CTIF: variants seen among roughly 807,000 people sequenced by gnomAD.
CTIF encodes cap binding complex dependent translation initiation factor.
Under a neutral mutation model 66.0 loss-of-function variants are expected in CTIF, and 21 were observed. The ratio of observed to expected loss-of-function variants is 0.32; its 90% CI spans 0.23 to 0.46. CTIF has a LOEUF of 0.46. Ranked by LOEUF, CTIF falls within the 20% of genes least tolerant of loss-of-function variation. The pLI is 1.00. For missense variants in CTIF, 739 were observed against 812.7 expected (o/e 0.91, Z 1.10); for synonymous variants, 345 against 326.4 (o/e 1.06, Z -0.62).
At chr18:48,680,690 G>A (rs2145138654) in intron 6 of CTIF, among the ~76,000 whole-genome samples, 1 of 152,378 alleles carries the variant, frequency 6.6e-6, no homozygotes, top group African/African-American at 2.4e-5. Context: ...ATTTGGCGAT[G>A]CCCTTGATGA....
At chr18:48,685,108 A>G (rs2091816515) in intron 6 of CTIF, among the ~76,000 whole-genome samples, 1 of 149,824 alleles carries the variant, frequency 6.7e-6, no homozygotes, top group Middle Eastern at 3.5e-3. Context: ...TATCTCCTCA[A>G]TCTTTCTTTG....
chr18:48,822,987 T>A (rs896028902), intron 10 of CTIF, among the ~76,000 whole-genome samples: 2 of 152,262 alleles, frequency 1.3e-5, no homozygotes, highest in African/African-American at 4.8e-5. Flanking sequence ...ATTCCAATTC[T>A]TAGACTAGTT....
At chr18:48,634,049 C>T (rs954828506) in intron 2 of CTIF, among the ~76,000 whole-genome samples, 2 of 152,188 alleles carry the variant, frequency 1.3e-5, no homozygotes, top group African/African-American at 4.8e-5. Context: ...ATTGCCACAT[C>T]TCCTCTTTCC....
intron 3 of CTIF, 33 bp downstream of exon 3, chr18:48,636,718 T>A: frequency 6.7e-7 from 1 of 1,498,146 alleles, no homozygotes; most frequent in Non-Finnish European, 8.9e-7. Context: ...TGTCTGGGGG[T>A]GTCCTATGTC....
chr18:48,800,155 G>A (rs1184163691), intron 9 of CTIF, among the ~76,000 whole-genome samples: 1 of 152,200 alleles, frequency 6.6e-6, no homozygotes, highest in Non-Finnish European at 1.5e-5. Flanking sequence ...TATGCATGGT[G>A]ACAGGATGGA....
chr18:48,853,012 G>T (rs1276417186), intron 10 of CTIF, among the ~76,000 whole-genome samples: 1 of 152,154 alleles, frequency 6.6e-6, no homozygotes, highest in African/African-American at 2.4e-5. Context: ...CTTTTCAAAG[G>T]TACGTGCATC....
At chr18:48,739,995 CT>C (rs2092540184) in intron 7 of CTIF, among the ~76,000 whole-genome samples, 1 of 152,250 alleles carries the variant, frequency 6.6e-6, no homozygotes, top group African/African-American at 2.4e-5. Flanking sequence ...GTTTGAAGGA[CT>C]CTACAAATAT....
intron 1 of CTIF, among the ~76,000 whole-genome samples, chr18:48,568,898 C>T (rs998686235): frequency 1.3e-5 from 2 of 152,148 alleles, no homozygotes; most frequent in Admixed American, 6.5e-5. Context: ...GAGGGTCCCT[C>T]CCATGACAAG....
intron 1 of CTIF, among the ~76,000 whole-genome samples, chr18:48,613,134 G>A (rs577342263): frequency 1.3e-5 from 2 of 152,118 alleles, no homozygotes; most frequent in African/African-American, 4.8e-5. Flanking sequence ...CTAATGCCTC[G>A]CAGTTCTTAA....
At chr18:48,653,571 A>G (rs546699678) in intron 3 of CTIF, among the ~76,000 whole-genome samples, 3 of 152,362 alleles carry the variant, frequency 2.0e-5, no homozygotes, top group African/African-American at 7.2e-5. Flanking sequence ...TATAGATTCA[A>G]TGCCATCCCC....
intron 1 of CTIF, among the ~76,000 whole-genome samples, chr18:48,593,990 A>T (rs2089942354): frequency 6.6e-6 from 1 of 152,150 alleles, no homozygotes; most frequent in Admixed American, 6.5e-5. Flanking sequence ...TTTCCTATCA[A>T]CCAGATGACA....
At chr18:48,575,638 G>A (rs2089513672) in intron 1 of CTIF, among the ~76,000 whole-genome samples, 1 of 152,184 alleles carries the variant, frequency 6.6e-6, no homozygotes, top group African/African-American at 2.4e-5. Flanking sequence ...CTGAGGGGAT[G>A]GAAGGTCCGT....
Position 48,856,208 on chromosome 18 carries a change from C to T in CTIF, c.1528-1380C>T, listed in dbSNP as rs547692216. ...TTTCAGGCACTCGGTGTCAGCACAC[C>T]AGTGCTGCTGGGGCTTCAAGAGAGA... On this transcript the variant is annotated intron_variant, in intron 10 of 11. Transcript: ENST00000256413. Among the ~76,000 whole-genome samples the T allele has an allele frequency of 2.6e-5, 4 of 152,292 alleles. No individual in the cohort carries two copies. The East Asian group carries it at 7.7e-4, about 29-fold the overall frequency.
intron 5 of CTIF, among the ~76,000 whole-genome samples, chr18:48,669,856 T>C (rs1311758067): frequency 7.4e-6 from 1 of 135,588 alleles, no homozygotes; most frequent in Non-Finnish European, 1.6e-5. Context: ...AGACTATATA[T>C]GTGTGTATAT....
At chr18:48,816,887 G>C (rs746460857) in intron 9 of CTIF, among the ~76,000 whole-genome samples, 1 of 152,220 alleles carries the variant, frequency 6.6e-6, no homozygotes, top group Non-Finnish European at 1.5e-5. Context: ...AAAGTGCTGA[G>C]TCTGGGGAGG....
intron 1 of CTIF, among the ~76,000 whole-genome samples, chr18:48,557,088 G>A (rs974425126): frequency 6.6e-6 from 1 of 152,124 alleles, no homozygotes; most frequent in Non-Finnish European, 1.5e-5. Context: ...AGTCCAGCAG[G>A]GACTGAAGGA....
intron 9 of CTIF, among the ~76,000 whole-genome samples, chr18:48,770,790 G>T (rs372575552): frequency 4.6e-5 from 7 of 152,202 alleles, no homozygotes; most frequent in African/African-American, 1.4e-4. Flanking sequence ...CCACGTTTCC[G>T]TCCTGCAAGG....
At chr18:48,837,383 A>G (rs2068836275) in intron 10 of CTIF, among the ~76,000 whole-genome samples, 2 of 151,934 alleles carry the variant, frequency 1.3e-5, no homozygotes, top group African/African-American at 2.4e-5. Context: ...ACCACTGTTC[A>G]TGTCACATCC....
At chr18:48,540,814 C>T (rs1011869562) in intron 1 of CTIF, among the ~76,000 whole-genome samples, 1 of 152,032 alleles carries the variant, frequency 6.6e-6, no homozygotes, top group African/African-American at 2.4e-5. Context: ...CCGCCAGCCC[C>T]CTCCTTGTCT....
Sources: allele counts gnomAD v4.1 joint callset (sites outside exome capture counted in the v4.1 genomes callset), GRCh38; gene constraint gnomAD v4.1.1; transcripts MANE v1.5; gene names NCBI Gene and HGNC (gene_info 2026-07-23, HGNC 2026-07-21).